SYNE2: variants seen among roughly 807,000 people sequenced by gnomAD.
The protein encoded by SYNE2 is spectrin repeat containing nuclear envelope protein 2.
A neutral mutation model predicts 856.3 loss-of-function variants in SYNE2; 431 were observed. The observed-to-expected ratio is 0.50, with a 90% CI of 0.47 to 0.55. The LOEUF is 0.55. SYNE2 is among the 20% of genes least tolerant of loss of function. The pLI is 0.00. For missense variants in SYNE2, 8,129 were observed against 8,023.2 expected, an observed-to-expected ratio of 1.01 and a Z score of -0.50; for synonymous variants, 2,923 against 2,872.3, an observed-to-expected ratio of 1.02 and a Z score of -0.56.
rs577021045 is a variant in SYNE2 at position 63,942,670 on chromosome 14, T to C, written c.408+527T>C. 1.9e-4 allele frequency among the ~76,000 whole-genome samples: 29 copies of C among 152,216 alleles called. No individual in the cohort carries two copies. The South Asian group carries it at 5.2e-3, about 27-fold the overall frequency. ...ACCATCACGCCCAGCCAATTTTGTA[T>C]TTTTAGTAGAGATGAGGTTTCTCCA... is the stretch of plus-strand genomic sequence containing the variant. On this transcript the variant is annotated intron_variant, in intron 6 of 115. Coordinates refer to ENST00000555002, the MANE Select transcript of SYNE2 (RefSeq NM_182914.3).
intron 1 of SYNE2, among the ~76,000 whole-genome samples, chr14:63,771,291 C>G (rs1886899414): frequency 6.6e-6 from 1 of 151,690 alleles, no homozygotes; most frequent in Non-Finnish European, 1.5e-5. Context: ...AGGATGGTCT[C>G]GATCTCTTGA....
intron 78 of SYNE2, 148 bp downstream of exon 78, chr14:64,134,348 T>G (rs2098060866): frequency 1.1e-6 from 1 of 922,064 alleles, no homozygotes; most frequent in Non-Finnish European, 1.8e-6. Flanking sequence ...TCAGGGAGAC[T>G]ACAGATTTGA....
intron 1 of SYNE2, among the ~76,000 whole-genome samples, chr14:63,884,353 T>G (rs928933794): frequency 7.9e-5 from 12 of 152,178 alleles, no homozygotes. Context: ...TGAGAGTGCT[T>G]AATGATTCTA....
intron 2 of SYNE2, among the ~76,000 whole-genome samples, chr14:63,916,942 T>C (rs2095540082): frequency 6.6e-6 from 1 of 151,722 alleles, no homozygotes; most frequent in Non-Finnish European, 1.5e-5. Flanking sequence ...AAAAAAAAAT[T>C]AGCTGGGCAT....
intron 79 of SYNE2, among the ~76,000 whole-genome samples, chr14:64,139,405 A>AT (rs2098122859): frequency 1.3e-5 from 2 of 150,338 alleles, no homozygotes; most frequent in South Asian, 4.2e-4. Flanking sequence ...CTTCCTCATT[A>AT]TTATTATTAT....
At chr14:63,924,653 G>A (rs1343675885) in intron 2 of SYNE2, among the ~76,000 whole-genome samples, 1 of 151,960 alleles carries the variant, frequency 6.6e-6, no homozygotes, top group Admixed American at 6.6e-5. Flanking sequence ...GCAATTTCTT[G>A]ATTTTTTCAT....
chr14:64,015,077 A>G (rs1567056638), intron 32 of SYNE2, among the ~76,000 whole-genome samples: 1 of 145,794 alleles, frequency 6.9e-6, no homozygotes, highest in South Asian at 2.1e-4. Flanking sequence ...GTATATATGT[A>G]TATATATATA....
At chr14:64,221,544 C>T in intron 111 of SYNE2, 32 bp from the exon 112 acceptor site, 1 of 1,614,214 alleles carries the variant, frequency 6.2e-7, no homozygotes, top group Admixed American at 1.7e-5. Context: ...GGCTCTAAGA[C>T]ACGGCCGCGC....
chr14:64,153,412 C>T (rs1371388016), intron 85 of SYNE2, among the ~76,000 whole-genome samples: 1 of 152,204 alleles, frequency 6.6e-6, no homozygotes, highest in East Asian at 1.9e-4. Context: ...ATGGTATAAT[C>T]TATACCATCA....
chr14:63,945,103 CCTTTTTTTTTTTTTTTTTTTT>C (rs1233332391), intron 6 of SYNE2, among the ~76,000 whole-genome samples: 790 of 77,436 alleles, frequency 0.01, 12 homozygotes, highest in Non-Finnish European at 0.013. Context: ...CCACACCTGG[CCTTTTTTTTTTTTTTTTTTTT>C]TTAATTAAAA....
In SYNE2 at chr14:63,977,972, A is replaced by G. The variant is rs2096557291; in HGVS notation, c.1361A>G (p.His454Arg). 6.2e-7 allele frequency: 1 copy of G among 1,613,976 alleles called. No homozygotes were observed. Among genetic ancestry groups the G allele is most frequent in the Admixed American group, 1.7e-5 (1 of 60,026 alleles). ...ACCTTTGAAAATAAGGATGAAAATC[A>G]CTTGCCATTGGTACCACCTAACAAA... ...LLTFENKDEN[H>R]LPLVPPNKLE... Residue 454 changes from histidine to arginine, a missense_variant, in exon 13 of 116, where the codon CAC (histidine) becomes CGC (arginine). Around this residue, in one of 3 missense-constraint regions of SYNE2, gnomAD observed 2,422 missense variants for 2,357.4 expected, o/e 1.03. Transcript: ENST00000555002.
At chr14:63,827,625 C>CAAAAAAAAAAAAAAAACAAAAA (rs1889487947) in intron 1 of SYNE2, among the ~76,000 whole-genome samples, 3 of 28,398 alleles carry the variant, frequency 1.1e-4, no homozygotes, top group East Asian at 2.0e-3. Context: ...AACTCTGTCT[C>CAAAAAAAAAAAAAAAACAAAAA]AAAAAAAAAA....
chr14:63,912,705 C>G (rs1036248488), intron 2 of SYNE2, among the ~76,000 whole-genome samples: 4 of 152,022 alleles, frequency 2.6e-5, no homozygotes, highest in Non-Finnish European at 4.4e-5. Flanking sequence ...ATAACACACG[C>G]AAGAAAAGAT....
intron 1 of SYNE2, among the ~76,000 whole-genome samples, chr14:63,838,869 TTC>T (rs1889951454): frequency 6.6e-6 from 1 of 151,998 alleles, no homozygotes; most frequent in Non-Finnish European, 1.5e-5. Flanking sequence ...GGAGTAGAAA[TTC>T]TCTGTCTTAA....
chr14:64,194,293 T>TTTC (rs9323447), intron 99 of SYNE2, among the ~76,000 whole-genome samples: 58,469 of 140,338 alleles, frequency 0.42, 14,267 homozygotes, highest in African/African-American at 0.71. Flanking sequence ...TCCCTCCTCT[T>TTTC]TTCTTCTTTT....
At chr14:64,081,141 A>G (rs1322045092) in intron 56 of SYNE2, among the ~76,000 whole-genome samples, 2 of 152,238 alleles carry the variant, frequency 1.3e-5, no homozygotes, top group African/African-American at 4.8e-5. Flanking sequence ...AGTACAGTCC[A>G]GTTTTTAAAA....
At chr14:64,221,509 A>G in intron 111 of SYNE2, 67 bp from the exon 112 acceptor site, 2 of 1,614,094 alleles carry the variant, frequency 1.2e-6, no homozygotes, top group Non-Finnish European at 1.7e-6. Flanking sequence ...GCAGTAAGCC[A>G]TGTTCCTGGC....
At chr14:64,071,493 C>CA (rs1334664811) in intron 52 of SYNE2, among the ~76,000 whole-genome samples, 1 of 149,904 alleles carries the variant, frequency 6.7e-6, no homozygotes, top group African/African-American at 2.5e-5. Flanking sequence ...GACTCTGTCT[C>CA]AAAAAAAAGG....
chr14:63,990,653 C>T, intron 20 of SYNE2, 84 bp downstream of exon 20: 5 of 1,192,190 alleles, frequency 4.2e-6, no homozygotes, highest in South Asian at 3.9e-5. Context: ...GGGGTGATAG[C>T]CCTGTAGCTT....
Sources: gnomAD v4.1 joint callset for allele counts (sites outside exome capture counted in the v4.1 genomes callset) on GRCh38, gnomAD v4.1.1 for gene constraint, gnomAD v4.1.1 regional missense constraint, MANE v1.5 for transcripts, NCBI Gene and HGNC (gene_info 2026-07-23, HGNC 2026-07-21) for gene names.